UBR1: variants seen among roughly 807,000 people sequenced by gnomAD.
UBR1 encodes ubiquitin protein ligase E3 component n-recognin 1.
UBR1 carries 102 observed loss-of-function variants against 242.1 expected under a neutral mutation model. The observed-to-expected ratio is 0.42, with a 90% CI of 0.36 to 0.50. UBR1 has a LOEUF of 0.50. Among genes scored for constraint, UBR1 ranks in the 20% least tolerant of loss-of-function variants. UBR1 has a pLI of 0.01. For synonymous variants in UBR1, 675 were observed against 684.8 expected, an observed-to-expected ratio of 0.99 and a Z score of 0.22; for missense variants, 1,772 against 2,101.8, an observed-to-expected ratio of 0.84 and a Z score of 3.07.
rs369661816 is a variant in UBR1, at chr15:42,995,582, C to T, written c.3757+2586G>A. Among the ~76,000 whole-genome samples the T allele has an allele frequency of 1.3e-4, 19 of 151,972 alleles. No homozygotes were observed. The South Asian group carries it at 2.3e-3, about 18-fold the overall frequency. On this transcript the variant is annotated intron_variant, in intron 33 of 46. Coordinates refer to ENST00000290650, the MANE Select transcript of UBR1 (RefSeq NM_174916.3). ...ACTCGAGAGGTTGAGGCAGGAGAAT[C>T]GCGTGAACCCGGGAGGTGGAGCTTG...
At chr15:43,088,501 CTTTTTTTT>C (rs957542912) in intron 1 of UBR1, among the ~76,000 whole-genome samples, 1 of 146,264 alleles carries the variant, frequency 6.8e-6, no homozygotes, top group Non-Finnish European at 1.5e-5. Context: ...TTCTTTCTTT[CTTTTTTTT>C]TTTGAGATGA....
chr15:42,943,105 T>C lies in UBR1; in HGVS notation c.*2224A>G, dbSNP rs2031677932. 1 of 152,622 alleles carries C rather than the reference T, an allele frequency of 6.6e-6. No homozygotes were observed. Among genetic ancestry groups the C allele is most frequent in the Non-Finnish European group, 1.5e-5 (1 of 68,042 alleles). 9.5% of individuals were successfully genotyped at this position (152,622 alleles called of 1,614,324 possible). A position where few individuals can be genotyped will look rare whatever the true frequency, so the allele number is the denominator to read the frequency against. On this transcript the variant is annotated 3_prime_UTR_variant, in exon 47 of 47. Coordinates refer to ENST00000290650, the MANE Select transcript of UBR1 (RefSeq NM_174916.3). Reference sequence around the variant, plus strand: ...ACAGTGAACCAAAATGCATAGTTGTTATGAAATGACAAATGACCACTAAAA... The same window carrying C: ...ACAGTGAACCAAAATGCATAGTTGTCATGAAATGACAAATGACCACTAAAA...
At chr15:42,964,222 C>A (rs1169110425) in intron 41 of UBR1, among the ~76,000 whole-genome samples, 179 bp from the exon 42 acceptor site, 4 of 152,072 alleles carry the variant, frequency 2.6e-5, no homozygotes, top group Non-Finnish European at 5.9e-5. Flanking sequence ...GTAATCCCAG[C>A]ACTTTGGGAG....
intron 29 of UBR1, 143 bp from the exon 30 acceptor site, chr15:43,007,427 G>T: frequency 1.2e-6 from 1 of 808,342 alleles, no homozygotes; most frequent in African/African-American, 1.7e-5. Context: ...TAAGTTAAAA[G>T]CTTCCCCCTT....
intron 33 of UBR1, among the ~76,000 whole-genome samples, chr15:42,993,564 C>T (rs1483014127): frequency 6.6e-6 from 1 of 152,012 alleles, no homozygotes; most frequent in Non-Finnish European, 1.5e-5. Context: ...GACGGGGTTT[C>T]ACCATGTTGG....
At chr15:43,041,407 C>T (rs2033415865) in intron 15 of UBR1, among the ~76,000 whole-genome samples, 2 of 151,924 alleles carry the variant, frequency 1.3e-5, no homozygotes, top group African/African-American at 2.4e-5. Flanking sequence ...AACACCTGGA[C>T]ACAAGAAGGG....
chr15:42,961,003 G>C (rs1349915925), intron 42 of UBR1, among the ~76,000 whole-genome samples: 1 of 151,622 alleles, frequency 6.6e-6, no homozygotes, highest in African/African-American at 2.4e-5. Context: ...CAAGTGATCC[G>C]CCCGCCTCAG....
intron 35 of UBR1, among the ~76,000 whole-genome samples, chr15:42,987,307 G>C (rs947034290): frequency 6.6e-6 from 1 of 152,226 alleles, no homozygotes; most frequent in African/African-American, 2.4e-5. Context: ...CCGGTAGGGG[G>C]TCTGCTAAGG....
At chr15:43,094,536 A>G (rs1288325216) in intron 1 of UBR1, among the ~76,000 whole-genome samples, 1 of 146,874 alleles carries the variant, frequency 6.8e-6, no homozygotes, top group African/African-American at 2.5e-5. Context: ...TTTCTTTTTT[A>G]TATATATTTT....
chr15:42,952,385 T>A lies in UBR1; in HGVS notation c.4899A>T (p.Ile1633=). 2 of 1,614,216 alleles carry A rather than the reference T, an allele frequency of 1.2e-6. No homozygotes were observed. Among genetic ancestry groups the A allele is most frequent in the Non-Finnish European group, 1.7e-6 (2 of 1,180,044 alleles). ...HPVLCLFCGA[I]LCSQNICCQE... is the part of the protein sequence containing the mutation. Reference sequence around the variant, plus strand: ...GGCAGCAAATGTTCTGAGAACATAGTATAGCCCCACAGAAAAGGCAGAGGA... The same window carrying A: ...GGCAGCAAATGTTCTGAGAACATAGAATAGCCCCACAGAAAAGGCAGAGGA... The change falls in exon 45 of 47, where the codon ATA becomes ATT. Residue 1633 remains isoleucine (I), a synonymous_variant. Coordinates refer to ENST00000290650, the MANE Select transcript of UBR1 (RefSeq NM_174916.3).
At chr15:43,054,978 G>C in intron 11 of UBR1, 79 bp from the exon 12 acceptor site, 1 of 1,458,904 alleles carries the variant, frequency 6.9e-7, no homozygotes, top group East Asian at 2.3e-5. Context: ...CATTTGGTTA[G>C]TCAGTATGTC....
chr15:43,082,342 G>C (rs964730119), intron 3 of UBR1, among the ~76,000 whole-genome samples: 8 of 152,088 alleles, frequency 5.3e-5, no homozygotes, highest in African/African-American at 1.9e-4. Context: ...AGAGCAAAGA[G>C]CTCAAAATTT....
In UBR1 at chr15:43,003,915, A is replaced by G; in HGVS notation, c.3431T>C (p.Leu1144Pro). Residue 1144 changes from leucine (L) to proline (P), a missense_variant, in exon 31 of 47, where the codon CTT becomes CCT. By Grantham distance (98) the Leu-to-Pro change is moderately conservative. Coordinates refer to ENST00000290650, the MANE Select transcript of UBR1 (RefSeq NM_174916.3). ...ATATGCCAAGTCTGGATCCATGAAA[A>G]GTGGGTCTAGGGCTTCTGGTACAAG... Reference protein sequence around the residue: ...IELSGEALDPLFMDPDLAYGT... With the variant: ...IELSGEALDPPFMDPDLAYGT... 6.2e-7 allele frequency: 1 copy of G among 1,614,108 alleles called. No individual in the cohort carries two copies. The highest frequency in any genetic ancestry group is 1.3e-5 in the African/African-American group (1 of 75,046).
At position 42,966,134 on chromosome 15, in the gene UBR1, A is replaced by G; in HGVS notation, c.4591+19T>C. The G allele has an allele frequency of 6.2e-7, 1 of 1,614,084 alleles. No individual in the cohort carries two copies. Among genetic ancestry groups the G allele is most frequent in the Non-Finnish European group, 8.5e-7 (1 of 1,180,008 alleles). On this transcript the variant is annotated intron_variant, in intron 41 of 46. Transcript: ENST00000290650. ...AAAATCTCCCATTTTCCACTCCATG[A>G]TTTCATTTTTCTACTTACTGGTATG...
chr15:43,036,888 C>G (rs2033343943), intron 17 of UBR1, among the ~76,000 whole-genome samples: 1 of 151,320 alleles, frequency 6.6e-6, no homozygotes, highest in Admixed American at 6.6e-5. Context: ...AAAAGTAAAC[C>G]AATTTCTACA....
chr15:42,984,982 T>C (rs751000006), intron 35 of UBR1, 40 bp from the exon 36 acceptor site: 1 of 1,399,382 alleles, frequency 7.1e-7, no homozygotes, highest in Non-Finnish European at 1.0e-6. Context: ...AAATCCTGAA[T>C]AGTGCTATAA....
chr15:42,951,326 G>A (rs914730283), intron 45 of UBR1, among the ~76,000 whole-genome samples: 7 of 152,160 alleles, frequency 4.6e-5, no homozygotes, highest in African/African-American at 7.2e-5. Context: ...AGGTTCAAGC[G>A]AATTCTCCTG....
intron 12 of UBR1, among the ~76,000 whole-genome samples, chr15:43,051,420 A>G (rs2033553486): frequency 6.6e-6 from 1 of 152,158 alleles, no homozygotes; most frequent in South Asian, 2.1e-4. Context: ...GGGGTCTATC[A>G]GAGGATTGAG....
intron 1 of UBR1, among the ~76,000 whole-genome samples, chr15:43,095,660 A>G (rs1354014162): frequency 6.6e-6 from 1 of 152,244 alleles, no homozygotes; most frequent in East Asian, 1.9e-4. Flanking sequence ...GTAGGCGGTC[A>G]TAGTAAATCA....
Sources: gnomAD v4.1 joint callset for allele counts (sites outside exome capture counted in the v4.1 genomes callset) on GRCh38, gnomAD v4.1.1 for gene constraint, MANE v1.5 for transcripts, NCBI Gene and HGNC (gene_info 2026-07-23, HGNC 2026-07-21) for gene names.